The following TTC7B variants were observed in gnomAD, a reference collection of about 807,000 sequenced individuals.
The protein encoded by TTC7B is tetratricopeptide repeat protein 7B.
Under a neutral mutation model 106.8 loss-of-function variants are expected in TTC7B, and 28 were observed. The ratio of observed to expected loss-of-function variants is 0.26; its 90% CI spans 0.19 to 0.36. The LOEUF (loss-of-function observed/expected upper bound fraction) is 0.36. TTC7B is among the 10% of genes least tolerant of loss of function. The pLI is 1.00. For synonymous variants in TTC7B, 405 were observed against 430.6 expected, an observed-to-expected ratio of 0.94 and a Z score of 0.74; for missense variants, 862 against 1,076.4, an observed-to-expected ratio of 0.80 and a Z score of 2.79.
intron 1 of TTC7B, 48 bp from the exon 2 acceptor site, chr14:90,786,376 T>A (rs749413078): frequency 5.6e-6 from 9 of 1,604,068 alleles, no homozygotes; most frequent in Non-Finnish European, 5.1e-6. Flanking sequence ...ATGGCCTGCA[T>A]GTAGGACCCC....
At chr14:90,593,098 T>C (rs1339308428) in intron 18 of TTC7B, among the ~76,000 whole-genome samples, 3 of 152,232 alleles carry the variant, frequency 2.0e-5, no homozygotes, top group Admixed American at 2.0e-4. Context: ...AAACTGAGGC[T>C]GAGCTAAATA....
At chr14:90,566,964 G>A (rs376640361) in intron 19 of TTC7B, among the ~76,000 whole-genome samples, 43 of 151,882 alleles carry the variant, frequency 2.8e-4, no homozygotes, top group South Asian at 2.7e-3. Flanking sequence ...TGCACCAAAC[G>A]CTCTGGGTGG....
chr14:90,573,594 C>T (rs543687507), intron 19 of TTC7B, among the ~76,000 whole-genome samples: 21 of 149,046 alleles, frequency 1.4e-4, no homozygotes, highest in African/African-American at 5.0e-4. Context: ...CTCCGGCTCA[C>T]GGTCCCTCTC....
chr14:90,694,678 T>TATA (rs1555390470), intron 6 of TTC7B, among the ~76,000 whole-genome samples: 8 of 45,944 alleles, frequency 1.7e-4, no homozygotes, highest in Admixed American at 2.9e-4. Context: ...TATATGTATA[T>TATA]TTTTATTTTA....
intron 5 of TTC7B, among the ~76,000 whole-genome samples, chr14:90,708,439 T>C (rs1478374229): frequency 2.6e-5 from 4 of 152,204 alleles, no homozygotes; most frequent in Admixed American, 1.3e-4. Context: ...TCATTTACCA[T>C]TTTGAAAATC....
Position 90,805,382 on chromosome 14 carries a change from G to A in TTC7B, c.121+10793C>T, listed in dbSNP as rs1001483605. On this transcript the variant is annotated intron_variant, in intron 1 of 19. Coordinates refer to ENST00000328459, the MANE Select transcript of TTC7B (RefSeq NM_001010854.2). The surrounding 1 kb of genome is among the most constrained non-coding windows in gnomAD (Gnocchi z 4.0). ...GCAATTCTCCTGTTCTCCTGCCTCA[G>A]CCTCCCGCGTAGCTGCGATTACAGG... Among the ~76,000 whole-genome samples, 18 of 152,312 alleles carry A rather than the reference G, an allele frequency of 1.2e-4. No homozygotes were observed. Among genetic ancestry groups the A allele is most frequent in the African/African-American group, 4.3e-4 (18 of 41,576 alleles).
At chr14:90,795,199 T>A (rs1331316658) in intron 1 of TTC7B, among the ~76,000 whole-genome samples, 1 of 151,882 alleles carries the variant, frequency 6.6e-6, no homozygotes, top group East Asian at 1.9e-4. Flanking sequence ...AAATTTACTC[T>A]CCTATCTGAG....
chr14:90,671,577 T>C (rs1425398734), intron 9 of TTC7B, among the ~76,000 whole-genome samples: 3 of 152,216 alleles, frequency 2.0e-5, no homozygotes, highest in Non-Finnish European at 4.4e-5. Context: ...TCATGCCAAC[T>C]AGTGCTGCTG....
At chr14:90,555,961 G>A (rs1222192223) in intron 19 of TTC7B, among the ~76,000 whole-genome samples, 1 of 152,242 alleles carries the variant, frequency 6.6e-6, no homozygotes, top group Non-Finnish European at 1.5e-5. Flanking sequence ...CGGTGCCCCG[G>A]GGTCCACATG....
At chr14:90,810,865 G>A (rs562001512) in intron 1 of TTC7B, among the ~76,000 whole-genome samples, 2 of 152,374 alleles carry the variant, frequency 1.3e-5, no homozygotes, top group East Asian at 3.9e-4. Context: ...GAGGATTCCA[G>A]AGTCAAATAG....
chr14:90,590,843 C>T (rs1264834743), intron 18 of TTC7B, among the ~76,000 whole-genome samples: 1 of 152,218 alleles, frequency 6.6e-6, no homozygotes, highest in Non-Finnish European at 1.5e-5. Flanking sequence ...TTCATTCATT[C>T]GTCCTACACA....
At chr14:90,609,294 C>T (rs1284215904) in intron 17 of TTC7B, among the ~76,000 whole-genome samples, 1 of 152,224 alleles carries the variant, frequency 6.6e-6, no homozygotes, top group African/African-American at 2.4e-5. Context: ...GATTAAACTG[C>T]ACCAATTTAC....
At chr14:90,785,374 T>C (rs1259369672) in intron 2 of TTC7B, among the ~76,000 whole-genome samples, 2 of 151,752 alleles carry the variant, frequency 1.3e-5, no homozygotes. Flanking sequence ...GCTCCAGAAG[T>C]TCACCAAAGA....
intron 19 of TTC7B, among the ~76,000 whole-genome samples, chr14:90,571,011 C>T (rs749948273): frequency 2.6e-5 from 4 of 152,176 alleles, no homozygotes; most frequent in Non-Finnish European, 5.9e-5. Context: ...TAAGGGACCA[C>T]ACCAACATAC....
At position 90,593,478 on chromosome 14, in the gene TTC7B, G is replaced by A. The variant is rs1466956124; in HGVS notation, c.2107+8C>T. On this transcript the variant is annotated splice_region_variant and intron_variant, in intron 18 of 19. Coordinates refer to ENST00000328459, the MANE Select transcript of TTC7B (RefSeq NM_001010854.2). ...ACAGCAGCGGGTTGTGGGTGAGGCGGAGGGTACCTGCATGGAGCCAGATCT... is the reference window on the plus strand; with the variant it reads ...ACAGCAGCGGGTTGTGGGTGAGGCGAAGGGTACCTGCATGGAGCCAGATCT... The A allele has an allele frequency of 6.3e-7, 1 of 1,582,578 alleles. No homozygotes were observed. The highest frequency in any genetic ancestry group is 1.1e-5 in the South Asian group (1 of 87,262).
intron 9 of TTC7B, among the ~76,000 whole-genome samples, chr14:90,660,642 T>C (rs571588727): frequency 6.6e-6 from 1 of 151,942 alleles, no homozygotes; most frequent in South Asian, 2.1e-4. Flanking sequence ...ATGTTCAGGA[T>C]TCACGGACAG....
In TTC7B at chr14:90,575,847, G is replaced by A. The variant is rs1234882024; in HGVS notation, c.2310+2259C>T. On this transcript the variant is annotated intron_variant, in intron 19 of 19. Transcript: ENST00000328459. The surrounding 1 kb of genome is among the most constrained non-coding windows in gnomAD (Gnocchi z 5.2). Reference sequence around the variant, plus strand: ...GGTTTTTCAATATCTCAGGATCCACGGAGAGAGGTTTTAATAGTTTATTAT... The same window carrying A: ...GGTTTTTCAATATCTCAGGATCCACAGAGAGAGGTTTTAATAGTTTATTAT... Among the ~76,000 whole-genome samples, 1 of 152,088 alleles carries A rather than the reference G, an allele frequency of 6.6e-6. No homozygotes were observed. Among genetic ancestry groups the A allele is most frequent in the Non-Finnish European group, 1.5e-5 (1 of 68,020 alleles).
chr14:90,588,721 T>C (rs1208720516), intron 18 of TTC7B, among the ~76,000 whole-genome samples: 1 of 152,144 alleles, frequency 6.6e-6, no homozygotes, highest in Non-Finnish European at 1.5e-5. Flanking sequence ...CTGACTTTCT[T>C]TACAGAATAG....
intron 3 of TTC7B, among the ~76,000 whole-genome samples, chr14:90,755,396 C>T (rs1890257299): frequency 6.6e-6 from 1 of 152,140 alleles, no homozygotes; most frequent in African/African-American, 2.4e-5. Flanking sequence ...GCCTGTAACC[C>T]TAGTGTTCTG....
Sources: allele counts gnomAD v4.1 joint callset (sites outside exome capture counted in the v4.1 genomes callset), GRCh38; gene constraint gnomAD v4.1.1; non-coding constraint Gnocchi (gnomAD v3.1); transcripts MANE v1.5; gene names NCBI Gene and HGNC (gene_info 2026-07-23, HGNC 2026-07-21).